The following RAB3GAP2 variants were observed in gnomAD, a reference collection of about 807,000 sequenced individuals.
RAB3GAP2 encodes the protein rab3 GTPase-activating protein non-catalytic subunit.
Under a neutral mutation model 185.3 loss-of-function variants are expected in RAB3GAP2, and 87 were observed. The observed-to-expected ratio is 0.47, with a 90% CI of 0.39 to 0.56. The LOEUF (loss-of-function observed/expected upper bound fraction) is 0.56. Ranked by LOEUF, RAB3GAP2 falls within the 20% of genes least tolerant of loss-of-function variation. The pLI is 0.00. For missense variants in RAB3GAP2, 1,492 were observed against 1,638.2 expected, an observed-to-expected ratio of 0.91 and a Z score of 1.54; for synonymous variants, 554 against 576.1, an observed-to-expected ratio of 0.96 and a Z score of 0.55.
intron 1 of RAB3GAP2, among the ~76,000 whole-genome samples, chr1:220,236,773 T>C (rs1238323998): frequency 1.3e-5 from 2 of 152,198 alleles, no homozygotes; most frequent in African/African-American, 2.4e-5. Flanking sequence ...TACTTCCTTC[T>C]GGTAACCTTT....
At chr1:220,252,617 TC>T (rs1402542218) in intron 1 of RAB3GAP2, among the ~76,000 whole-genome samples, 2 of 152,160 alleles carry the variant, frequency 1.3e-5, no homozygotes, top group African/African-American at 2.4e-5. Flanking sequence ...AACCGTCACC[TC>T]CCGCCAAGAG....
intron 2 of RAB3GAP2, among the ~76,000 whole-genome samples, chr1:220,216,789 A>G (rs140726233): frequency 3.5e-4 from 53 of 152,366 alleles, no homozygotes; most frequent in African/African-American, 1.2e-3. Flanking sequence ...ATTTGTTTTA[A>G]TAATTGAGCA....
rs752259998 is a variant in RAB3GAP2 at position 220,211,249 on chromosome 1, T to C, written c.387-247A>G. 10 of 640,178 alleles carry C rather than the reference T, an allele frequency of 1.6e-5. No homozygotes were observed. In the African/African-American group the frequency reaches 1.6e-4, roughly 10 times the overall value. The allele number at this position is 640,178 out of a possible 1,614,324, so 39.7% of individuals were successfully genotyped here. A position where few individuals can be genotyped will look rare whatever the true frequency, so the allele number is the denominator to read the frequency against. ...CAGAATTTTTCACTCTGTATTGTCA[T>C]GAAAAACATGAAAGTACAGAAAGCA... On this transcript the variant is annotated intron_variant, in intron 4 of 34. Coordinates refer to ENST00000358951, the MANE Select transcript of RAB3GAP2 (RefSeq NM_012414.4).
chr1:220,160,918 T>C (rs1657952910), intron 28 of RAB3GAP2, among the ~76,000 whole-genome samples: 1 of 152,232 alleles, frequency 6.6e-6, no homozygotes. Flanking sequence ...TCTTGGCACA[T>C]GAGAGATAAC....
At chr1:220,253,844 C>T in intron 1 of RAB3GAP2, 3 of 1,612,538 alleles carry the variant, frequency 1.9e-6, no homozygotes, top group Non-Finnish European at 2.5e-6. Flanking sequence ...ATGAGAGGGG[C>T]TGCCCCAGGA....
chr1:220,255,722 AGAATAGAGG>A (rs1660022668), intron 1 of RAB3GAP2, among the ~76,000 whole-genome samples: 1 of 152,214 alleles, frequency 6.6e-6, no homozygotes, highest in Non-Finnish European at 1.5e-5. Context: ...CAGTCAGACA[AGAATAGAGG>A]GAAAGAAAAT....
Position 220,153,337 on chromosome 1 carries a change from C to T in RAB3GAP2, c.3715G>A (p.Glu1239Lys). The change falls in exon 33 of 35, where the codon GAA becomes AAA. Residue 1239 changes from glutamate to lysine, a missense_variant. Physicochemically the swap from Glu to Lys is moderately conservative, Grantham distance 56. Around this residue, in one of 5 missense-constraint regions of RAB3GAP2, gnomAD observed 387 missense variants for 455.3 expected, o/e 0.85. Transcript: ENST00000358951. ...HSATKVKDPT[E>K]EATPTPFGKD... Reference sequence around the variant, plus strand: ...CCAAAAGGAGTGGGTGTGGCCTCTTCTGTGGGATCTTTGACCTTTGTGGCT... The same window carrying T: ...CCAAAAGGAGTGGGTGTGGCCTCTTTTGTGGGATCTTTGACCTTTGTGGCT... 1 of 1,614,200 alleles carries T rather than the reference C, an allele frequency of 6.2e-7. No individual in the cohort carries two copies.
intron 33 of RAB3GAP2, 87 bp downstream of exon 33, chr1:220,153,091 AGCAAAAG>A: frequency 2.2e-6 from 2 of 925,116 alleles, no homozygotes; most frequent in Non-Finnish European, 3.6e-6. Context: ...TAAAAGGAAG[AGCAAAAG>A]GCTTCATTGG....
chr1:220,165,255 T>C (rs1454918987), intron 26 of RAB3GAP2, among the ~76,000 whole-genome samples: 1 of 149,996 alleles, frequency 6.7e-6, no homozygotes, highest in Non-Finnish European at 1.5e-5. Context: ...TTGCCTTCAC[T>C]GAGTTTAAAT....
At chr1:220,154,392 G>A (rs1657819202) in intron 31 of RAB3GAP2, 2 of 271,898 alleles carry the variant, frequency 7.4e-6, no homozygotes, top group Non-Finnish European at 1.4e-5. Flanking sequence ...TCTGCCTTGA[G>A]GCACTCATAT....
intron 21 of RAB3GAP2, among the ~76,000 whole-genome samples, chr1:220,176,707 C>T (rs1658296308): frequency 6.6e-6 from 1 of 152,018 alleles, no homozygotes; most frequent in Non-Finnish European, 1.5e-5. Context: ...CAGCCCAGGA[C>T]TCAGAGCCTC....
At chr1:220,235,197 T>C (rs1433020068) in intron 1 of RAB3GAP2, among the ~76,000 whole-genome samples, 1 of 152,194 alleles carries the variant, frequency 6.6e-6, no homozygotes. Context: ...TATTTAAAAA[T>C]AGAAACATTC....
chr1:220,210,560 A>C, intron 6 of RAB3GAP2, 71 bp from the exon 7 acceptor site: 1 of 1,212,932 alleles, frequency 8.2e-7, no homozygotes, highest in Non-Finnish European at 1.2e-6. Flanking sequence ...TGGCCAGGCA[A>C]AGAGTACCAT....
intron 2 of RAB3GAP2, among the ~76,000 whole-genome samples, chr1:220,221,991 T>A (rs1659314565): frequency 6.6e-6 from 1 of 152,250 alleles, no homozygotes; most frequent in Non-Finnish European, 1.5e-5. Context: ...TACTGTCATT[T>A]TGCTAACTTT....
chr1:220,186,720 T>G (rs946982650), intron 17 of RAB3GAP2, among the ~76,000 whole-genome samples: 3 of 152,196 alleles, frequency 2.0e-5, no homozygotes, highest in Non-Finnish European at 4.4e-5. Context: ...TTTCTAGCAT[T>G]CTTTATAAAA....
chr1:220,172,575 C>T (rs1571881616), intron 22 of RAB3GAP2, 62 bp downstream of exon 22: 1 of 1,118,658 alleles, frequency 8.9e-7, no homozygotes, highest in Non-Finnish European at 1.4e-6. Flanking sequence ...ATCCACTCTC[C>T]CATCTTTTTG....
intron 2 of RAB3GAP2, among the ~76,000 whole-genome samples, chr1:220,218,812 A>C (rs902529168): frequency 2.0e-5 from 3 of 152,112 alleles, no homozygotes; most frequent in Non-Finnish European, 4.4e-5. Context: ...AAGCTCCACA[A>C]GCTCTTTGGA....
At chr1:220,257,967 A>G (rs1000306950) in intron 1 of RAB3GAP2, among the ~76,000 whole-genome samples, 1 of 152,060 alleles carries the variant, frequency 6.6e-6, no homozygotes, top group South Asian at 2.1e-4. Flanking sequence ...GTTTATAAAC[A>G]CAGAGAAATA....
chr1:220,270,150 A>T (rs1660308461), intron 1 of RAB3GAP2, among the ~76,000 whole-genome samples: 1 of 152,130 alleles, frequency 6.6e-6, no homozygotes, highest in South Asian at 2.1e-4. Context: ...ACTGCTGACC[A>T]TTCCTCACCC....
Sources: allele counts gnomAD v4.1 joint callset (sites outside exome capture counted in the v4.1 genomes callset), GRCh38; gene constraint gnomAD v4.1.1; regional missense constraint gnomAD v4.1.1; transcripts MANE v1.5; gene names NCBI Gene and HGNC (gene_info 2026-07-23, HGNC 2026-07-21).